The following PIGK variants were observed in gnomAD, a reference collection of about 807,000 sequenced individuals.
PIGK encodes the protein phosphatidylinositol glycan anchor biosynthesis class K.
Under a neutral mutation model 50.6 loss-of-function variants are expected in PIGK, and 42 were observed. That is an observed-to-expected ratio of 0.83 (90% CI 0.65 to 1.07). The LOEUF (loss-of-function observed/expected upper bound fraction) is 1.07. Among genes scored for constraint, PIGK ranks in the 50% least tolerant of loss-of-function variants. The pLI is 0.00. For synonymous variants in PIGK, 151 were observed against 156.0 expected (o/e 0.97, Z 0.24); for missense variants, 448 against 488.7 (o/e 0.92, Z 0.78).
intron 9 of PIGK, among the ~76,000 whole-genome samples, chr1:77,139,925 G>A (rs1654610845): frequency 1.3e-5 from 2 of 152,124 alleles, no homozygotes; most frequent in South Asian, 4.1e-4. Flanking sequence ...CCGAGAAAGT[G>A]AAATGTTGTA....
rs184376741 is a variant in PIGK at position 77,111,707 on chromosome 1, T to C, written c.1071+10568A>G. On this transcript the variant is annotated intron_variant, in intron 10 of 10. Coordinates refer to ENST00000370812, the MANE Select transcript of PIGK (RefSeq NM_005482.3). ...CACCAACATGGCATATGTATACATA[T>C]GTAACAAACCTGCACGTTGTGCACA... Among the ~76,000 whole-genome samples the C allele has an allele frequency of 6.1e-3, 925 of 152,224 alleles. 14 individuals carry two copies. The highest frequency in any genetic ancestry group is 0.022 in the African/African-American group (898 of 41,502).
At chr1:77,195,842 T>C (rs1217641548) in intron 3 of PIGK, among the ~76,000 whole-genome samples, 2 of 152,084 alleles carry the variant, frequency 1.3e-5, no homozygotes, top group East Asian at 3.9e-4. Context: ...TTTTGACTTT[T>C]ATTTTGCATT....
intron 9 of PIGK, among the ~76,000 whole-genome samples, chr1:77,138,310 C>G (rs1654568352): frequency 6.6e-6 from 1 of 152,198 alleles, no homozygotes; most frequent in East Asian, 1.9e-4. Flanking sequence ...AGGAGAGACT[C>G]TACTGCAGGC....
At chr1:77,158,415 C>A (rs537383153) in intron 8 of PIGK, among the ~76,000 whole-genome samples, 15 of 152,056 alleles carry the variant, frequency 9.9e-5, no homozygotes, top group South Asian at 6.2e-4. Flanking sequence ...ACCAGCAGAG[C>A]GGGTTACTGC....
At chr1:77,216,618 G>A (rs971164339) in intron 1 of PIGK, among the ~76,000 whole-genome samples, 5 of 152,186 alleles carry the variant, frequency 3.3e-5, no homozygotes, top group Admixed American at 6.5e-5. Flanking sequence ...AAGTGTGTGT[G>A]TGGCATGTGT....
chr1:77,169,590 T>C (rs1183492439), intron 3 of PIGK, among the ~76,000 whole-genome samples, 195 bp from the exon 4 acceptor site: 3 of 150,412 alleles, frequency 2.0e-5, no homozygotes, highest in Admixed American at 2.0e-4. Flanking sequence ...GAGAAATTAG[T>C]GCAATCTGGC....
At chr1:77,210,331 T>TA in intron 2 of PIGK, 105 bp downstream of exon 2, 1 of 579,356 alleles carries the variant, frequency 1.7e-6, no homozygotes. Context: ...ATTTCTGATA[T>TA]AAAATGTAAA....
intron 4 of PIGK, among the ~76,000 whole-genome samples, chr1:77,168,077 T>C (rs1444029738): frequency 1.3e-5 from 2 of 152,212 alleles, no homozygotes; most frequent in East Asian, 3.8e-4. Flanking sequence ...AATTTTTGAA[T>C]GCACTTTGTT....
intron 1 of PIGK, among the ~76,000 whole-genome samples, chr1:77,216,665 C>G (rs1268959091): frequency 6.6e-6 from 1 of 151,652 alleles, no homozygotes. Context: ...TTTTCCCCCT[C>G]CAAACTCAAC....
chr1:77,157,775 G>A (rs1655041523), intron 8 of PIGK, among the ~76,000 whole-genome samples: 1 of 152,100 alleles, frequency 6.6e-6, no homozygotes, highest in Non-Finnish European at 1.5e-5. Context: ...CATATTATGG[G>A]ACAGACTTGG....
chr1:77,130,177 T>C (rs1386913983), intron 9 of PIGK, among the ~76,000 whole-genome samples: 4 of 146,082 alleles, frequency 2.7e-5, no homozygotes, highest in Admixed American at 2.1e-4. Context: ...CTTTTAACTT[T>C]GTTTGCATTG....
intron 10 of PIGK, among the ~76,000 whole-genome samples, chr1:77,094,973 T>A (rs1218002612): frequency 6.6e-6 from 1 of 152,164 alleles, no homozygotes; most frequent in Admixed American, 6.6e-5. Flanking sequence ...TGCAAAATTA[T>A]AATGGAACAG....
chr1:77,109,247 T>C (rs1459197637), intron 10 of PIGK, among the ~76,000 whole-genome samples: 1 of 152,222 alleles, frequency 6.6e-6, no homozygotes, highest in Non-Finnish European at 1.5e-5. Context: ...GAATCCTCCC[T>C]AACTCATTTT....
At chr1:77,200,777 T>C (rs1656146385) in intron 3 of PIGK, among the ~76,000 whole-genome samples, 1 of 152,188 alleles carries the variant, frequency 6.6e-6, no homozygotes, top group South Asian at 2.1e-4. Context: ...TTTTTATTAA[T>C]ATTTAATTGA....
intron 9 of PIGK, among the ~76,000 whole-genome samples, chr1:77,139,310 C>T (rs1024910910): frequency 1.3e-5 from 2 of 151,584 alleles, no homozygotes; most frequent in South Asian, 2.1e-4. Context: ...TAGGCTCCTG[C>T]GAATACTTTC....
intron 3 of PIGK, among the ~76,000 whole-genome samples, chr1:77,193,891 G>C (rs1279847836): frequency 6.6e-6 from 1 of 152,112 alleles, no homozygotes; most frequent in East Asian, 1.9e-4. Context: ...ACCATCAGCA[G>C]AGTAAACAAT....
At chr1:77,174,191 T>G (rs1098127) in intron 3 of PIGK, among the ~76,000 whole-genome samples, 5,904 of 152,322 alleles carry the variant, frequency 0.039, 304 homozygotes, top group African/African-American at 0.12. Flanking sequence ...TGTATTACAA[T>G]TTTCTTTCTC....
In PIGK at chr1:77,091,328, G is replaced by C. The variant is rs941753241; in HGVS notation, c.*1046C>G. 2 of 152,178 alleles carry C rather than the reference G, an allele frequency of 1.3e-5. No homozygotes were observed. Among genetic ancestry groups the C allele is most frequent in the Non-Finnish European group, 1.5e-5 (1 of 68,018 alleles). 9.4% of individuals were successfully genotyped at this position (152,178 alleles called of 1,614,324 possible). On this transcript the variant is annotated 3_prime_UTR_variant, in exon 11 of 11. Coordinates refer to ENST00000370812, the MANE Select transcript of PIGK (RefSeq NM_005482.3). ...TTGCATCTTACCAGAGACTAGAAAA[G>C]GGGCTTACTGCCTTATAGGATACAT...
At chr1:77,192,169 T>C (rs2100576637) in intron 3 of PIGK, among the ~76,000 whole-genome samples, 1 of 151,990 alleles carries the variant, frequency 6.6e-6, no homozygotes, top group South Asian at 2.1e-4. Context: ...GGACTAAATA[T>C]AGGGACACAA....
Sources: gnomAD v4.1 joint callset for allele counts (sites outside exome capture counted in the v4.1 genomes callset) on GRCh38, gnomAD v4.1.1 for gene constraint, MANE v1.5 for transcripts, NCBI Gene and HGNC (gene_info 2026-07-23, HGNC 2026-07-21) for gene names.